Variants in ASIC2 observed in about 807,000 individuals in gnomAD.
The protein encoded by ASIC2 is acid sensing ion channel subunit 2.
ASIC2 carries 25 observed loss-of-function variants against 57.3 expected under a neutral mutation model. The observed-to-expected ratio is 0.44, with a 90% CI of 0.32 to 0.61. The LOEUF is 0.61. Ranked by LOEUF, ASIC2 falls within the 20% of genes least tolerant of loss-of-function variation. ASIC2 has a pLI of 0.06. For missense variants in ASIC2, 641 were observed against 738.1 expected (o/e 0.87, Z 1.52); for synonymous variants, 319 against 307.5 (o/e 1.04, Z -0.39).
intron 3 of ASIC2, among the ~76,000 whole-genome samples, chr17:33,053,501 T>G (rs1006478118): frequency 6.6e-6 from 1 of 152,192 alleles, no homozygotes; most frequent in Non-Finnish European, 1.5e-5. Flanking sequence ...GATTCCATTT[T>G]CCCAAGTCAA....
intron 3 of ASIC2, among the ~76,000 whole-genome samples, chr17:33,059,724 G>A (rs995866218): frequency 1.3e-5 from 2 of 152,200 alleles, no homozygotes; most frequent in Non-Finnish European, 2.9e-5. Context: ...AGATCCCTGA[G>A]GAATCACCAC....
intron 1 of ASIC2, among the ~76,000 whole-genome samples, chr17:34,057,825 T>C (rs1835544190): frequency 6.6e-6 from 1 of 152,130 alleles, no homozygotes; most frequent in African/African-American, 2.4e-5. Flanking sequence ...GCAGGGTACT[T>C]TGGAAATGCC....
chr17:34,012,447 C>T (rs1390644342), intron 1 of ASIC2, among the ~76,000 whole-genome samples: 1 of 152,182 alleles, frequency 6.6e-6, no homozygotes, highest in Non-Finnish European at 1.5e-5. Flanking sequence ...GTTGCACATC[C>T]CACAACTGGC....
At chr17:33,629,588 T>A (rs1906096456) in intron 1 of ASIC2, among the ~76,000 whole-genome samples, 2 of 152,192 alleles carry the variant, frequency 1.3e-5, no homozygotes, top group Non-Finnish European at 2.9e-5. Flanking sequence ...AGTCCCAGGT[T>A]ACATGGAGGA....
chr17:33,611,066 C>T (rs1008989536), intron 1 of ASIC2, among the ~76,000 whole-genome samples: 1 of 152,254 alleles, frequency 6.6e-6, no homozygotes, highest in East Asian at 1.9e-4. Context: ...TGCTAAATTC[C>T]CCAGACTTCA....
chr17:33,683,089 T>A (rs1306205977), intron 1 of ASIC2, among the ~76,000 whole-genome samples: 1 of 152,266 alleles, frequency 6.6e-6, no homozygotes, highest in African/African-American at 2.4e-5. Flanking sequence ...CCCTATAAGG[T>A]GCTACAGAAG....
intron 1 of ASIC2, among the ~76,000 whole-genome samples, chr17:33,725,111 G>T (rs377424610): frequency 6.6e-6 from 1 of 152,168 alleles, no homozygotes; most frequent in East Asian, 1.9e-4. Flanking sequence ...TCCCCCTGTG[G>T]TGCCCTCTGC....
At chr17:34,144,077 T>C (rs1461969114) in intron 1 of ASIC2, among the ~76,000 whole-genome samples, 1 of 152,156 alleles carries the variant, frequency 6.6e-6, no homozygotes. Context: ...TTCCACCAAT[T>C]ACAAGATAAG....
chr17:33,576,573 C>T (rs556376944), intron 1 of ASIC2, among the ~76,000 whole-genome samples: 1 of 152,306 alleles, frequency 6.6e-6, no homozygotes, highest in Admixed American at 6.5e-5. Context: ...CTTAGGCTTA[C>T]AGCGCCCAAT....
chr17:33,238,695 C>T lies in ASIC2; in HGVS notation c.708+52713G>A, dbSNP rs190894978. On this transcript the variant is annotated intron_variant, in intron 1 of 9. Coordinates refer to ENST00000225823, the MANE Select transcript of ASIC2 (RefSeq NM_183377.2). ...TCTGCCTGGAATGTTTTCCCCAACACGGCTCCCCCAACCAATATCCACAAG... is the reference window on the plus strand; with the variant it reads ...TCTGCCTGGAATGTTTTCCCCAACATGGCTCCCCCAACCAATATCCACAAG... 1.1e-3 allele frequency among the ~76,000 whole-genome samples: 162 copies of T among 152,260 alleles called. 1 individual carries two copies. Among genetic ancestry groups the T allele is most frequent in the African/African-American group, 3.4e-3 (143 of 41,548 alleles).
intron 1 of ASIC2, among the ~76,000 whole-genome samples, chr17:33,652,016 G>A (rs1906935890): frequency 6.6e-6 from 1 of 152,184 alleles, no homozygotes; most frequent in African/African-American, 2.4e-5. Flanking sequence ...GTGTGTGTGA[G>A]TGCTGCTGTA....
At chr17:33,567,226 C>T (rs754267786) in intron 1 of ASIC2, among the ~76,000 whole-genome samples, 14 of 151,846 alleles carry the variant, frequency 9.2e-5, no homozygotes, top group Non-Finnish European at 2.1e-4. Context: ...GAGAGAGTGG[C>T]CTTATGAAGG....
intron 1 of ASIC2, among the ~76,000 whole-genome samples, chr17:33,539,796 T>C (rs1915350301): frequency 6.6e-6 from 1 of 152,110 alleles, no homozygotes; most frequent in Admixed American, 6.5e-5. Context: ...GACAGGCACA[T>C]AGCAGGGAAT....
chr17:33,834,544 T>TG (rs1053283416), intron 1 of ASIC2: 1 of 152,150 alleles, frequency 6.6e-6, no homozygotes, highest in Admixed American at 6.5e-5. Context: ...GGCCATTCAC[T>TG]GGGGGAAGGA....
chr17:33,945,946 A>G (rs1188517218), intron 1 of ASIC2, among the ~76,000 whole-genome samples: 2 of 152,230 alleles, frequency 1.3e-5, no homozygotes, highest in Non-Finnish European at 2.9e-5. Flanking sequence ...AGATTCTGAC[A>G]GGGAAATCCC....
At chr17:33,447,303 G>A (rs1167852049) in intron 1 of ASIC2, among the ~76,000 whole-genome samples, 2 of 152,162 alleles carry the variant, frequency 1.3e-5, no homozygotes, top group African/African-American at 4.8e-5. Context: ...TCTGTCTCTG[G>A]TGGCAAGTGT....
intron 1 of ASIC2, among the ~76,000 whole-genome samples, chr17:33,246,379 C>T (rs1908689779): frequency 6.6e-6 from 1 of 152,178 alleles, no homozygotes; most frequent in African/African-American, 2.4e-5. Flanking sequence ...GATGAAACGC[C>T]ATGTGTAAAG....
At chr17:33,802,682 A>G (rs1912163836) in intron 1 of ASIC2, among the ~76,000 whole-genome samples, 1 of 152,260 alleles carries the variant, frequency 6.6e-6, no homozygotes, top group African/African-American at 2.4e-5. Context: ...TGCTTCAGTC[A>G]GGAGAATCCT....
chr17:33,443,454 C>T (rs1258027031), intron 1 of ASIC2, among the ~76,000 whole-genome samples: 1 of 130,836 alleles, frequency 7.6e-6, no homozygotes, highest in African/African-American at 2.9e-5. Context: ...CGCTCTGTCG[C>T]CCAGGCTGGA....
Sources: gnomAD v4.1 joint callset for allele counts (sites outside exome capture counted in the v4.1 genomes callset) on GRCh38, gnomAD v4.1.1 for gene constraint, MANE v1.5 for transcripts, NCBI Gene and HGNC (gene_info 2026-07-23, HGNC 2026-07-21) for gene names.